WNK3: variants seen among roughly 807,000 people sequenced by gnomAD.
WNK3 encodes WNK lysine deficient protein kinase 3.
Under a neutral mutation model 116.7 loss-of-function variants are expected in WNK3, and 18 were observed. The ratio of observed to expected loss-of-function variants is 0.15; its 90% CI spans 0.11 to 0.23. The LOEUF (loss-of-function observed/expected upper bound fraction) is 0.23. WNK3 is among the 10% of genes least tolerant of loss of function. The pLI is 1.00. For synonymous variants in WNK3, 404 were observed against 469.4 expected (o/e 0.86, Z 1.80); for missense variants, 993 against 1,323.8 (o/e 0.75, Z 3.88).
intron 4 of WNK3, among the ~76,000 whole-genome samples, 171 bp from the exon 5 acceptor site, chrX:54,308,250 G>A (rs2068848055): frequency 9.1e-6 from 1 of 109,665 alleles, no homozygotes; most frequent in Non-Finnish European, 1.9e-5. Context: ...GGAGTGCAGT[G>A]GTGCCATCTC....
chrX:54,196,179 T>C (rs1557140059), exon 24 of WNK3: 2 of 111,396 alleles, frequency 1.8e-5, no homozygotes, highest in Admixed American at 9.6e-5. Flanking sequence ...TGCATTACAC[T>C]AATGTCCTAA....
chrX:54,356,648 A>G (rs1295326461), intron 1 of WNK3, among the ~76,000 whole-genome samples: 1 of 111,707 alleles, frequency 9.0e-6, no homozygotes, highest in East Asian at 2.8e-4. Context: ...ATTACAACTT[A>G]CTATAGATGA....
chrX:54,275,413 ATATGTGTGTGTGTGTGTGTGTGTG>A (rs1286776464), intron 10 of WNK3, among the ~76,000 whole-genome samples: 2 of 58,338 alleles, frequency 3.4e-5, no homozygotes, highest in African/African-American at 1.2e-4. Flanking sequence ...GTATAAGTTC[ATATGTGTGTGTGTGTGTGTGTGTG>A]TGTGTGTGTG....
rs1462581582 is a variant in WNK3 at position 54,334,565 on chromosome X, A to T, written c.-119-773T>A. ...AGAATTTCATTCCTTTTTAAGGCTG[A>T]ATAATATTCCATATGTTATAGACCA... On this transcript the variant is annotated intron_variant, in intron 1 of 23. Coordinates refer to ENST00000354646, the Ensembl canonical transcript of WNK3. Among the ~76,000 whole-genome samples, 3 of 112,668 alleles carry T rather than the reference A, an allele frequency of 2.7e-5. No homozygotes were observed. The Admixed American group carries it at 2.8e-4, about 11-fold the overall frequency.
At chrX:54,227,590 G>T (rs1557148113) in intron 22 of WNK3, among the ~76,000 whole-genome samples, 1 of 111,589 alleles carries the variant, frequency 9.0e-6, no homozygotes, top group African/African-American at 3.3e-5. Flanking sequence ...CTATCCAAGA[G>T]AAATGAAAAC....
intron 15 of WNK3, 114 bp from the exon 16 acceptor site, chrX:54,250,245 A>G (rs1389460874): frequency 5.4e-6 from 4 of 744,270 alleles, no homozygotes; most frequent in Non-Finnish European, 7.5e-6. Context: ...CATTTCTAAT[A>G]GTACTAGAAT....
chrX:54,219,117 A>G (rs1195113135), intron 22 of WNK3, among the ~76,000 whole-genome samples: 1 of 111,357 alleles, frequency 9.0e-6, no homozygotes, highest in Non-Finnish European at 1.9e-5. Flanking sequence ...ATTAATTTAC[A>G]CATTCAAGAA....
chrX:54,314,207 A>C (rs1268269744), intron 2 of WNK3, among the ~76,000 whole-genome samples: 20 of 108,041 alleles, frequency 1.9e-4, no homozygotes, highest in East Asian at 1.7e-3. Flanking sequence ...AAAAAAACAA[A>C]AAAAAAAAAA....
intron 17 of WNK3, among the ~76,000 whole-genome samples, chrX:54,247,270 A>T (rs1275995537): frequency 9.0e-6 from 1 of 111,335 alleles, no homozygotes; most frequent in Non-Finnish European, 1.9e-5. Context: ...AAATGACAGA[A>T]ATAACAGTTC....
intron 11 of WNK3, 42 bp downstream of exon 11, chrX:54,259,232 A>C: frequency 1.0e-6 from 1 of 968,405 alleles, no homozygotes. Flanking sequence ...AAACTTCAGC[A>C]TATCCTCATT....
intron 21 of WNK3, among the ~76,000 whole-genome samples, chrX:54,231,810 G>A (rs2067901267): frequency 9.0e-6 from 1 of 110,700 alleles, no homozygotes; most frequent in Middle Eastern, 4.7e-3. Flanking sequence ...TTCTGCCTAC[G>A]ACAAGTTCCA....
Position 54,225,242 on chromosome X carries a change from C to T in WNK3, c.4870+3472G>A, listed in dbSNP as rs1490654522. ...CTCAACCCTGGACAACAGAGTGAGA[C>T]CCTGCCTCAAAATAATAATAATAAT... is the stretch of plus-strand genomic sequence containing the variant. On this transcript the variant is annotated intron_variant, in intron 22 of 23. Coordinates refer to ENST00000354646, the Ensembl canonical transcript of WNK3. Among the ~76,000 whole-genome samples the T allele has an allele frequency of 4.6e-5, 5 of 107,875 alleles. No homozygotes were observed. The East Asian group carries it at 1.4e-3, about 31-fold the overall frequency. The allele number at this position is 107,875 out of a possible 115,157, so 93.7% of individuals were successfully genotyped here. A position where few individuals can be genotyped will look rare whatever the true frequency, so the allele number is the denominator to read the frequency against.
chrX:54,341,162 C>T (rs1557176281), intron 1 of WNK3, among the ~76,000 whole-genome samples: 1 of 111,022 alleles, frequency 9.0e-6, no homozygotes, highest in Non-Finnish European at 1.9e-5. Flanking sequence ...TTTGGGAAGC[C>T]GAGGTAGGTG....
intron 11 of WNK3, among the ~76,000 whole-genome samples, chrX:54,257,569 C>T (rs1285164567): frequency 6.4e-5 from 7 of 109,423 alleles, no homozygotes; most frequent in African/African-American, 2.3e-4. Flanking sequence ...CTGAGGTGGG[C>T]GGATCACCTG....
chrX:54,313,729 C>G (rs931624816), intron 2 of WNK3, among the ~76,000 whole-genome samples: 4 of 111,707 alleles, frequency 3.6e-5, no homozygotes, highest in African/African-American at 1.3e-4. Flanking sequence ...TTTCCCACTA[C>G]AAATACATGT....
intron 2 of WNK3, among the ~76,000 whole-genome samples, chrX:54,328,391 T>G (rs1051236121): frequency 9.1e-6 from 1 of 110,373 alleles, no homozygotes; most frequent in African/African-American, 3.3e-5. Context: ...ATATGCAGGC[T>G]GGGCACGGTG....
chrX:54,352,636 T>C (rs912652352), intron 1 of WNK3, among the ~76,000 whole-genome samples: 2 of 111,537 alleles, frequency 1.8e-5, no homozygotes, highest in African/African-American at 3.3e-5. Flanking sequence ...GCCATGATCA[T>C]GCCACTGTAC....
intron 17 of WNK3, among the ~76,000 whole-genome samples, chrX:54,248,285 CT>C (rs1157481758): frequency 9.1e-6 from 1 of 109,841 alleles, no homozygotes; most frequent in Non-Finnish European, 1.9e-5. Flanking sequence ...CTTTTCTTCT[CT>C]TTTTTTGTCA....
At chrX:54,220,419 T>G (rs2067749309) in intron 22 of WNK3, among the ~76,000 whole-genome samples, 1 of 109,603 alleles carries the variant, frequency 9.1e-6, no homozygotes, top group African/African-American at 3.3e-5. Context: ...GGCATGGTAG[T>G]GTGTACCTGT....
Sources: allele counts gnomAD v4.1 joint callset (sites outside exome capture counted in the v4.1 genomes callset), GRCh38; gene constraint gnomAD v4.1.1; transcripts MANE v1.5; gene names NCBI Gene and HGNC (gene_info 2026-07-23, HGNC 2026-07-21).